SYNPO2: variants seen among roughly 807,000 people sequenced by gnomAD.
The protein encoded by SYNPO2 is synaptopodin-2.
Under a neutral mutation model 85.0 loss-of-function variants are expected in SYNPO2, and 56 were observed. The observed-to-expected ratio is 0.66, with a 90% confidence interval of 0.53 to 0.82. The LOEUF (loss-of-function observed/expected upper bound fraction) is 0.82, where lower values mean the gene tolerates loss of function less well. Among genes scored for constraint, SYNPO2 ranks in the 40% least tolerant of loss-of-function variants. SYNPO2 has a pLI of 0.00. For missense variants in SYNPO2, 1,575 were observed against 1,534.2 expected (o/e 1.03, Z -0.44); for synonymous variants, 602 against 591.1 (o/e 1.02, Z -0.27).
chr4:119,028,303 A>G (rs1432988303), intron 3 of SYNPO2, among the ~76,000 whole-genome samples: 1 of 150,658 alleles, frequency 6.6e-6, no homozygotes, highest in African/African-American at 2.4e-5. Context: ...GACTGTATAT[A>G]TGATACACAA....
chr4:118,979,856 G>A (rs148050635), intron 1 of SYNPO2, among the ~76,000 whole-genome samples: 359 of 152,298 alleles, frequency 2.4e-3, no homozygotes, highest in African/African-American at 8.2e-3. Flanking sequence ...AGTTTCTTCC[G>A]CACTCAGCAT....
chr4:118,974,371 T>C (rs1735647453), intron 1 of SYNPO2, among the ~76,000 whole-genome samples: 1 of 152,252 alleles, frequency 6.6e-6, no homozygotes, highest in African/African-American at 2.4e-5. Flanking sequence ...TTGACTCTCT[T>C]GCCCATCCTT....
chr4:118,875,822 G>T (rs915861456), intron 1 of SYNPO2, among the ~76,000 whole-genome samples: 1 of 152,148 alleles, frequency 6.6e-6, no homozygotes, highest in Non-Finnish European at 1.5e-5. Context: ...TTCCACACTG[G>T]GTGAATTGGC....
chr4:118,977,517 G>A (rs1366566390), intron 1 of SYNPO2, among the ~76,000 whole-genome samples: 1 of 152,242 alleles, frequency 6.6e-6, no homozygotes, highest in Non-Finnish European at 1.5e-5. Context: ...GGACTGAAGG[G>A]CTCCTCAAAT....
chr4:118,859,675 G>C (rs1157281711), intron 1 of SYNPO2, among the ~76,000 whole-genome samples: 1 of 152,148 alleles, frequency 6.6e-6, no homozygotes, highest in African/African-American at 2.4e-5. Context: ...AACATGCAAT[G>C]TTTATCTTTC....
intron 1 of SYNPO2, among the ~76,000 whole-genome samples, chr4:118,872,394 C>T (rs1223547648): frequency 6.6e-6 from 1 of 152,124 alleles, no homozygotes; most frequent in Non-Finnish European, 1.5e-5. Context: ...CAAGAACAAA[C>T]TCCTATGACA....
At chr4:119,025,360 A>C (rs1434142836) in intron 2 of SYNPO2, among the ~76,000 whole-genome samples, 1 of 152,236 alleles carries the variant, frequency 6.6e-6, no homozygotes, top group Admixed American at 6.5e-5. Context: ...CTAATTTGCT[A>C]ACATCATGCT....
At chr4:118,981,449 C>T (rs1001002629) in intron 1 of SYNPO2, among the ~76,000 whole-genome samples, 3 of 152,190 alleles carry the variant, frequency 2.0e-5, no homozygotes, top group African/African-American at 7.2e-5. Context: ...TGTCAATACC[C>T]TCCTCCGTGC....
At chr4:119,026,092 A>T (rs1041350133) in intron 2 of SYNPO2, among the ~76,000 whole-genome samples, 61 of 152,220 alleles carry the variant, frequency 4.0e-4, no homozygotes, top group African/African-American at 1.2e-3. Flanking sequence ...GGGTCCACTT[A>T]TTACGAAACA....
chr4:118,906,028 A>C (rs955607), intron 1 of SYNPO2, among the ~76,000 whole-genome samples: 129,664 of 152,128 alleles, frequency 0.85, 55,386 homozygotes, highest in Middle Eastern at 0.94. Flanking sequence ...TTGGCATATT[A>C]CAAAATAATG....
At chr4:118,977,121 TC>T (rs1309308239) in intron 1 of SYNPO2, among the ~76,000 whole-genome samples, 9 of 152,114 alleles carry the variant, frequency 5.9e-5, no homozygotes, top group Admixed American at 1.3e-4. Flanking sequence ...TCAGGGAGGC[TC>T]GGGCCGCACA....
In SYNPO2 at chr4:119,029,248, A is replaced by G. The variant is rs1738108916; in HGVS notation, c.1070-597A>G. On this transcript the variant is annotated intron_variant, in intron 3 of 4. Transcript: ENST00000307142. Reference sequence around the variant, plus strand: ...GATTAATTCAGTGTTTTGAATTTATATTAATCCAGTAGCTGTGAGTGGAAA... The same window carrying G: ...GATTAATTCAGTGTTTTGAATTTATGTTAATCCAGTAGCTGTGAGTGGAAA... 3.3e-5 allele frequency among the ~76,000 whole-genome samples: 5 copies of G among 152,220 alleles called. No individual in the cohort carries two copies. The South Asian group carries it at 1.0e-3, about 32-fold the overall frequency.
rs777213057 is a variant in SYNPO2 at position 119,059,637 on chromosome 4, C to T, written c.*1703C>T. ...AATTTTGCTTTGTGTTACTTTTTTG[C>T]TCTTGAATGTATCGTTATGATGGTC... On this transcript the variant is annotated 3_prime_UTR_variant, in exon 5 of 5. Coordinates refer to ENST00000307142, the MANE Select transcript of SYNPO2 (RefSeq NM_133477.3). 7 of 151,522 alleles carry T rather than the reference C, an allele frequency of 4.6e-5. No homozygotes were observed. The highest frequency in any genetic ancestry group is 1.0e-4 in the Non-Finnish European group (7 of 67,892). The allele number at this position is 151,522 out of a possible 1,614,324, so 9.4% of individuals were successfully genotyped here.
intron 1 of SYNPO2, among the ~76,000 whole-genome samples, chr4:118,853,180 C>A (rs1444949932): frequency 1.3e-5 from 2 of 152,164 alleles, no homozygotes; most frequent in African/African-American, 2.4e-5. Flanking sequence ...AAGTTGACTT[C>A]ATTCCTATTT....
chr4:119,035,160 C>T (rs1179284560), intron 4 of SYNPO2: 1 of 985,322 alleles, frequency 1.0e-6, no homozygotes, highest in Non-Finnish European at 1.2e-6. Flanking sequence ...AAGGTCATTA[C>T]AGTCACTGAC....
At chr4:118,860,086 C>A (rs1323133000) in intron 1 of SYNPO2, among the ~76,000 whole-genome samples, 1 of 152,116 alleles carries the variant, frequency 6.6e-6, no homozygotes, top group Non-Finnish European at 1.5e-5. Context: ...TTGTGACTGC[C>A]CGTCTTTTGG....
intron 1 of SYNPO2, among the ~76,000 whole-genome samples, chr4:119,018,899 C>G (rs1271209475): frequency 6.6e-6 from 1 of 152,116 alleles, no homozygotes; most frequent in African/African-American, 2.4e-5. Context: ...ATCAAAATAT[C>G]ACACATACCC....
At chr4:118,887,168 T>A (rs72669496), upstream of SYNPO2, among the ~76,000 whole-genome samples, 531 of 59,938 alleles carry the variant, frequency 8.9e-3, 3 homozygotes, top group East Asian at 0.033. Flanking sequence ...TCTGAGTGAG[T>A]GTGTGTGTGT....
At chr4:119,006,257 T>G (rs1428373596) in intron 1 of SYNPO2, 1 of 152,394 alleles carries the variant, frequency 6.6e-6, no homozygotes. Flanking sequence ...ATCAGTGTGT[T>G]GGAGGAAAAG....
Sources: allele counts gnomAD v4.1 joint callset (sites outside exome capture counted in the v4.1 genomes callset), GRCh38; gene constraint gnomAD v4.1.1; transcripts MANE v1.5; gene names NCBI Gene and HGNC (gene_info 2026-07-23, HGNC 2026-07-21).